The following TTLL4 variants were observed in gnomAD, a reference collection of about 807,000 sequenced individuals.
The protein encoded by TTLL4 is tubulin tyrosine ligase like 4, also known as tubulin monoglutamylase TTLL4.
Under a neutral mutation model 122.7 loss-of-function variants are expected in TTLL4, and 85 were observed. The observed-to-expected ratio is 0.69, with a 90% CI of 0.58 to 0.83. TTLL4 has a LOEUF of 0.83. Among genes scored for constraint, TTLL4 ranks in the 40% least tolerant of loss-of-function variants. TTLL4 has a pLI of 0.00. For synonymous variants in TTLL4, 553 were observed against 563.0 expected, an observed-to-expected ratio of 0.98 and a Z score of 0.25; for missense variants, 1,363 against 1,488.6, an observed-to-expected ratio of 0.92 and a Z score of 1.39.
intron 2 of TTLL4, among the ~76,000 whole-genome samples, chr2:218,736,126 C>CACCAT (rs200909816): frequency 0.035 from 5,362 of 151,982 alleles, 299 homozygotes; most frequent in African/African-American, 0.12. Flanking sequence ...AGGCATGCGC[C>CACCAT]ACCATACCTG....
intron 1 of TTLL4, among the ~76,000 whole-genome samples, chr2:218,713,170 A>T (rs1157206718): frequency 2.6e-5 from 4 of 152,132 alleles, no homozygotes; most frequent in African/African-American, 9.7e-5. Context: ...CTTGAGACCC[A>T]GGAATTCGAG....
intron 19 of TTLL4, 66 bp downstream of exon 19, chr2:218,753,735 T>A (rs1227339482): frequency 6.5e-7 from 1 of 1,549,752 alleles, no homozygotes; most frequent in Non-Finnish European, 8.9e-7. Context: ...TTCCTTCCCC[T>A]CTTCCCAGAC....
chr2:218,751,595 T>C (rs1943014896), intron 15 of TTLL4, 109 bp from the exon 16 acceptor site: 6 of 1,421,326 alleles, frequency 4.2e-6, no homozygotes, highest in Non-Finnish European at 5.5e-6. Context: ...TTCATACATC[T>C]TTGTCTTCTC....
At chr2:218,753,419 A>C (rs1467212688) in intron 18 of TTLL4, 165 bp from the exon 19 acceptor site, 1 of 842,872 alleles carries the variant, frequency 1.2e-6, no homozygotes, top group East Asian at 2.4e-5. Flanking sequence ...TGTTTGATTC[A>C]GAAGAGAACT....
At chr2:218,725,048 T>A (rs1942149431) in intron 1 of TTLL4, among the ~76,000 whole-genome samples, 1 of 152,044 alleles carries the variant, frequency 6.6e-6, no homozygotes, top group African/African-American at 2.4e-5. Flanking sequence ...CATAGGCACA[T>A]GCCACCACAC....
At position 218,750,101 on chromosome 2, in the gene TTLL4, A is replaced by C. The variant is rs745539971; in HGVS notation, c.2828A>C (p.Glu943Ala). 5 of 1,614,018 alleles carry C rather than the reference A, an allele frequency of 3.1e-6. No individual in the cohort carries two copies. The highest frequency in any genetic ancestry group is 4.2e-6 in the Non-Finnish European group (5 of 1,179,926). Residue 943 changes from glutamate to alanine, a missense_variant, in exon 15 of 20, where the codon GAG (glutamate) becomes GCG (alanine). Glu to Ala is a moderately radical substitution (Grantham distance 107). Around this residue, in one of 3 missense-constraint regions of TTLL4, gnomAD observed 596 missense variants for 655.8 expected, o/e 0.91. Transcript: ENST00000392102. ...GCAGGTTTTGTCCTGCCCAATGCAG[A>C]GGATATCATTTCCAGCCCCAGCAGC... ...NLAGFVLPNA[E>A]DIISSPSSCS...
intron 18 of TTLL4, 28 bp downstream of exon 18, chr2:218,753,213 T>C: frequency 6.2e-7 from 1 of 1,613,214 alleles, no homozygotes; most frequent in Non-Finnish European, 8.5e-7. Context: ...GGAGGACAGC[T>C]CCTTCTCAGG....
intron 1 of TTLL4, among the ~76,000 whole-genome samples, chr2:218,712,015 G>A (rs1941722148): frequency 6.6e-6 from 1 of 151,972 alleles, no homozygotes; most frequent in Non-Finnish European, 1.5e-5. Flanking sequence ...TGCTCAGAAA[G>A]TTAGCAGCTA....
intron 4 of TTLL4, 29 bp from the exon 5 acceptor site, chr2:218,740,492 C>T (rs369785414): frequency 6.2e-7 from 1 of 1,612,530 alleles, no homozygotes; most frequent in Admixed American, 1.7e-5. Context: ...CTCTTCTAGT[C>T]AGAATTTCTC....
chr2:218,753,558 G>C lies in TTLL4; in HGVS notation c.3259-26G>C, dbSNP rs1281350282. 3.7e-6 allele frequency: 6 copies of C among 1,611,802 alleles called. No homozygotes were observed. In the South Asian group the frequency reaches 5.5e-5, roughly 15 times the overall value. On this transcript the variant is annotated intron_variant, in intron 18 of 19. Coordinates refer to ENST00000392102, the MANE Select transcript of TTLL4 (RefSeq NM_014640.5). ...CTGCCTTGCCTCCGCCAAGCCTTTT[G>C]GTCTCATTGCTTCCTTTGCTCTTAG...
At position 218,748,238 on chromosome 2, in the gene TTLL4, C is replaced by A; in HGVS notation, c.2501+11C>A. On this transcript the variant is annotated intron_variant, in intron 12 of 19. Coordinates refer to ENST00000392102, the MANE Select transcript of TTLL4 (RefSeq NM_014640.5). ...CCAGGGCCACAAATGGTACTGAGGG[C>A]AGAGTGTCCCAGTCCAGTGAAGGCC... 1 of 1,613,870 alleles carries A rather than the reference C, an allele frequency of 6.2e-7. No individual in the cohort carries two copies. The highest frequency in any genetic ancestry group is 8.5e-7 in the Non-Finnish European group (1 of 1,179,908).
Position 218,754,503 on chromosome 2 carries a change from C to CA in TTLL4, c.*115dup. On this transcript the variant is annotated 3_prime_UTR_variant, in exon 20 of 20. Transcript: ENST00000392102. ...CTACCCCTTTCACCCTGTCCCTCCT[C>CA]AGAGTATTTTTTGAAGTGGTTGCAT... The CA allele has an allele frequency of 1.4e-6, 2 of 1,406,282 alleles. No individual in the cohort carries two copies. The highest frequency in any genetic ancestry group is 1.9e-6 in the Non-Finnish European group (2 of 1,039,116). The allele number at this position is 1,406,282 out of a possible 1,614,324, so 87.1% of individuals were successfully genotyped here.
rs775314322 is a variant in TTLL4, at chr2:218,752,980, T to A, written c.3187+7T>A. 2 of 1,614,210 alleles carry A rather than the reference T, an allele frequency of 1.2e-6. No homozygotes were observed. Among genetic ancestry groups the A allele is most frequent in the Non-Finnish European group, 1.7e-6 (2 of 1,180,020 alleles). ...CATGGCAACAAGCTTAAAGGTGATG[T>A]GCCCTCCCTGCCCTCAGAAAGCCAA... On this transcript the variant is annotated splice_region_variant and intron_variant, in intron 17 of 19. Transcript: ENST00000392102.
chr2:218,738,623 C>T lies in TTLL4; in HGVS notation c.947C>T (p.Pro316Leu), dbSNP rs947855487. Residue 316 changes from proline to leucine, a missense_variant, in exon 3 of 20, where the codon CCA (proline) becomes CTA (leucine). Physicochemically the swap from Pro to Leu is moderately conservative, Grantham distance 98. Coordinates refer to ENST00000392102, the MANE Select transcript of TTLL4 (RefSeq NM_014640.5). ...AATAACTTAGCCATGAGGGCAGAGCCACTTTCCTGTGCTCTGGATGACAGC... is the reference window on the plus strand; with the variant it reads ...AATAACTTAGCCATGAGGGCAGAGCTACTTTCCTGTGCTCTGGATGACAGC... ...NRNNLAMRAE[P>L]LSCALDDSSD... 3.7e-6 allele frequency: 6 copies of T among 1,614,120 alleles called. No individual in the cohort carries two copies. In the African/African-American group the frequency reaches 6.7e-5, roughly 18 times the overall value.
rs376947263 is a variant in TTLL4 at position 218,745,930 on chromosome 2, A to T, written c.1897+129A>T. On this transcript the variant is annotated intron_variant, in intron 7 of 19. Coordinates refer to ENST00000392102, the MANE Select transcript of TTLL4 (RefSeq NM_014640.5). ...GGGCCCTCTCCTGAAATCCAACCTC[A>T]TAGGAGGGTGTAGCTCTGAAATCCT... is the stretch of plus-strand genomic sequence containing the variant. 161 of 909,958 alleles carry T rather than the reference A, an allele frequency of 1.8e-4. 1 individual carries two copies. The East Asian group carries it at 3.5e-3, about 20-fold the overall frequency. The allele number at this position is 909,958 out of a possible 1,614,324, so 56.4% of individuals were successfully genotyped here. A position where few individuals can be genotyped will look rare whatever the true frequency, so the allele number is the denominator to read the frequency against.
chr2:218,746,660 A>T (rs758020530), intron 8 of TTLL4: 1 of 379,970 alleles, frequency 2.6e-6, no homozygotes, highest in Non-Finnish European at 4.8e-6. Flanking sequence ...TTCTGGTCTC[A>T]CATTGGAATG....
At chr2:218,743,534 G>A (rs962929837) in intron 5 of TTLL4, among the ~76,000 whole-genome samples, 4 of 152,138 alleles carry the variant, frequency 2.6e-5, no homozygotes, top group Non-Finnish European at 4.4e-5. Context: ...TTCTGTCAAT[G>A]GAAGTCTTCA....
intron 1 of TTLL4, among the ~76,000 whole-genome samples, chr2:218,714,174 A>G (rs945885730): frequency 6.6e-6 from 1 of 152,214 alleles, no homozygotes; most frequent in African/African-American, 2.4e-5. Flanking sequence ...GTGCCAGGCA[A>G]AGTGAGAAGT....
chr2:218,742,025 A>G (rs1078802), intron 5 of TTLL4, among the ~76,000 whole-genome samples: 7,150 of 152,282 alleles, frequency 0.047, 203 homozygotes, highest in Middle Eastern at 0.078. Context: ...CAGTGGATCC[A>G]TCATAGCTTA....
Sources: allele counts gnomAD v4.1 joint callset (sites outside exome capture counted in the v4.1 genomes callset), GRCh38; gene constraint gnomAD v4.1.1; regional missense constraint gnomAD v4.1.1; transcripts MANE v1.5; gene names NCBI Gene and HGNC (gene_info 2026-07-23, HGNC 2026-07-21).